Variants in NEDD4L observed in about 807,000 individuals in gnomAD.
The protein encoded by NEDD4L is NEDD4 like E3 ubiquitin protein ligase, also known as E3 ubiquitin-protein ligase NEDD4-like.
Under a neutral mutation model 148.9 loss-of-function variants are expected in NEDD4L, and 54 were observed. That is an observed-to-expected ratio of 0.36 (90% CI 0.29 to 0.45). NEDD4L has a LOEUF of 0.45. Among genes scored for constraint, NEDD4L ranks in the 20% least tolerant of loss-of-function variants. The probability of loss-of-function intolerance (pLI) is 1.00; values close to 1 mark genes in which losing one functional copy is unlikely to be tolerated. For missense variants in NEDD4L, 856 were observed against 1,233.8 expected, an observed-to-expected ratio of 0.69 and a Z score of 4.59; for synonymous variants, 433 against 440.7, an observed-to-expected ratio of 0.98 and a Z score of 0.22.
At chr18:58,320,226 G>A (rs1042474256) in intron 6 of NEDD4L, among the ~76,000 whole-genome samples, 16 of 152,160 alleles carry the variant, frequency 1.1e-4, no homozygotes, top group African/African-American at 3.9e-4. Flanking sequence ...CATACTGTTT[G>A]ATTTCCTATG....
At chr18:58,377,982 T>G (rs146066118) in intron 24 of NEDD4L, among the ~76,000 whole-genome samples, 4,833 of 152,274 alleles carry the variant, frequency 0.032, 117 homozygotes, top group Non-Finnish European at 0.05. Flanking sequence ...TGGCCTCAAG[T>G]GATCTGCCCA....
At chr18:58,099,391 A>G (rs1356041371) in intron 1 of NEDD4L, among the ~76,000 whole-genome samples, 2 of 152,176 alleles carry the variant, frequency 1.3e-5, no homozygotes, top group Admixed American at 6.5e-5. Flanking sequence ...CATTTGGCAA[A>G]TGTTTGTTGA....
In NEDD4L at chr18:58,231,645, C is replaced by G. The variant is rs2045250955; in HGVS notation, c.123-13782C>G. On this transcript the variant is annotated intron_variant, in intron 2 of 30. Coordinates refer to ENST00000400345, the MANE Select transcript of NEDD4L (RefSeq NM_001144967.3). ...TGGCTTGATCTTGGCTCCCTGCAAC[C>G]TCCGCCTCCAAGGTTCAAGCAGTTC... Among the ~76,000 whole-genome samples the G allele has an allele frequency of 3.9e-5, 6 of 152,184 alleles. No homozygotes were observed. The South Asian group carries it at 1.2e-3, about 32-fold the overall frequency.
At chr18:58,149,080 A>T (rs74339437) in intron 1 of NEDD4L, among the ~76,000 whole-genome samples, 17 of 152,340 alleles carry the variant, frequency 1.1e-4, no homozygotes, top group Non-Finnish European at 1.5e-4. Flanking sequence ...TGAAAGTGGC[A>T]GAGAGGAAGC....
At chr18:58,374,184 T>G (rs1486500151) in intron 24 of NEDD4L, among the ~76,000 whole-genome samples, 1 of 152,172 alleles carries the variant, frequency 6.6e-6, no homozygotes, top group Non-Finnish European at 1.5e-5. Flanking sequence ...CACTAGAGGA[T>G]TTAATGACAA....
chr18:58,081,671 A>T (rs972499397), intron 1 of NEDD4L, among the ~76,000 whole-genome samples: 1 of 152,142 alleles, frequency 6.6e-6, no homozygotes, highest in African/African-American at 2.4e-5. Flanking sequence ...GCTGAACTGC[A>T]GCCTTGATTT....
intron 2 of NEDD4L, among the ~76,000 whole-genome samples, chr18:58,175,206 A>G (rs1399542253): frequency 2.0e-5 from 3 of 152,242 alleles, no homozygotes; most frequent in Admixed American, 1.3e-4. Flanking sequence ...GGTCTTGGCA[A>G]TCTAGCCACA....
chr18:58,317,370 TG>T (rs1161836510), intron 6 of NEDD4L, among the ~76,000 whole-genome samples: 1 of 152,228 alleles, frequency 6.6e-6, no homozygotes, highest in African/African-American at 2.4e-5. Flanking sequence ...CTTCTGTGTA[TG>T]TTCTTCAGAC....
chr18:58,152,185 C>G (rs1339762093), intron 1 of NEDD4L, among the ~76,000 whole-genome samples: 1 of 152,098 alleles, frequency 6.6e-6, no homozygotes. Flanking sequence ...CCTGAAGCAC[C>G]TCTGTTAATA....
chr18:58,395,885 A>G lies in NEDD4L; in HGVS notation c.2826-282A>G, dbSNP rs76367437. Among the ~76,000 whole-genome samples, 1,234 of 152,318 alleles carry G rather than the reference A, an allele frequency of 8.1e-3. 6 individuals carry two copies. The highest frequency in any genetic ancestry group is 0.013 in the Non-Finnish European group (851 of 68,032). On this transcript the variant is annotated intron_variant, in intron 30 of 30. Transcript: ENST00000400345. The stretch of plus-strand genomic sequence containing the variant: ...AGCTCTGTGTTCCAAGGGTTTGGAA[A>G]TCTTGCCGGTTACTCCCTTCCCACC...
At chr18:58,123,486 G>A (rs1598940571) in intron 1 of NEDD4L, among the ~76,000 whole-genome samples, 1 of 152,070 alleles carries the variant, frequency 6.6e-6, no homozygotes, top group East Asian at 1.9e-4. Flanking sequence ...GTCCCTTCCT[G>A]TAAACAGCCA....
intron 1 of NEDD4L, among the ~76,000 whole-genome samples, chr18:58,100,468 A>G (rs1036077849): frequency 6.6e-5 from 10 of 152,318 alleles, no homozygotes; most frequent in South Asian, 2.1e-4. Flanking sequence ...CCCCTGGTCT[A>G]TGTATGCCTT....
chr18:58,367,976 T>C (rs1211931851), intron 22 of NEDD4L, 109 bp downstream of exon 22: 1 of 1,204,464 alleles, frequency 8.3e-7, no homozygotes, highest in Non-Finnish European at 1.2e-6. Context: ...GGTTTACTCA[T>C]AAAGTATTTT....
intron 4 of NEDD4L, among the ~76,000 whole-genome samples, chr18:58,250,424 A>G (rs2047783136): frequency 6.6e-6 from 1 of 152,196 alleles, no homozygotes; most frequent in South Asian, 2.1e-4. Flanking sequence ...CTGGGATTAC[A>G]GGTTCTTAAG....
intron 1 of NEDD4L, among the ~76,000 whole-genome samples, chr18:58,134,358 C>A (rs1467163578): frequency 8.4e-5 from 1 of 11,944 alleles, no homozygotes; most frequent in South Asian, 3.9e-3. Context: ...AATTCCATTT[C>A]TTTTTTTTTT....
chr18:58,150,813 C>T (rs2034628075), intron 1 of NEDD4L, among the ~76,000 whole-genome samples: 1 of 151,982 alleles, frequency 6.6e-6, no homozygotes, highest in African/African-American at 2.4e-5. Flanking sequence ...CTGTGGTTGG[C>T]GGGTACCCAG....
chr18:58,126,196 A>G (rs1170467758), intron 1 of NEDD4L, among the ~76,000 whole-genome samples: 1 of 152,254 alleles, frequency 6.6e-6, no homozygotes. Flanking sequence ...GGTGGCTTTT[A>G]GTATATTCAC....
rs2046691418 is a variant in NEDD4L at position 58,370,343 on chromosome 18, A to C, written c.2186-54A>C. The C allele has an allele frequency of 4.8e-6, 5 of 1,044,952 alleles. No individual in the cohort carries two copies. In the East Asian group the frequency reaches 1.2e-4, roughly 25 times the overall value. The allele number at this position is 1,044,952 out of a possible 1,614,324, so 64.7% of individuals were successfully genotyped here. A position where few individuals can be genotyped will look rare whatever the true frequency, so the allele number is the denominator to read the frequency against. On this transcript the variant is annotated intron_variant, in intron 22 of 30. Transcript: ENST00000400345. The stretch of plus-strand genomic sequence containing the variant: ...GGTTAATCTTTTCTTTCATGCTCTG[A>C]TACATAGCAGTGTCAAAGACCTGAA...
Position 58,154,784 on chromosome 18 carries a change from G to A in NEDD4L, c.49-11004G>A, listed in dbSNP as rs904824786. ...GCCTGAGTGACAAGAGTGAGACTTCGTCTCTAAATAAATAAATAAGTAGCA... is the reference window on the plus strand; with the variant it reads ...GCCTGAGTGACAAGAGTGAGACTTCATCTCTAAATAAATAAATAAGTAGCA... On this transcript the variant is annotated intron_variant, in intron 1 of 30. Transcript: ENST00000400345. Among the ~76,000 whole-genome samples the A allele has an allele frequency of 7.9e-5, 12 of 152,134 alleles. 1 individual carries two copies. The highest frequency in any genetic ancestry group is 1.9e-4 in the East Asian group (1 of 5,196).
Sources: allele counts gnomAD v4.1 joint callset (sites outside exome capture counted in the v4.1 genomes callset), GRCh38; gene constraint gnomAD v4.1.1; transcripts MANE v1.5; gene names NCBI Gene and HGNC (gene_info 2026-07-23, HGNC 2026-07-21).